Variants in RGS20 observed in about 807,000 individuals in gnomAD.
The protein encoded by RGS20 is gz-selective GTPase-activating protein.
In RGS20, 30 loss-of-function variants were observed where a neutral mutation model predicts 33.6. That is an observed-to-expected ratio of 0.89 (90% CI 0.67 to 1.21). The LOEUF is 1.21. Among genes scored for constraint, RGS20 ranks in the 50% most tolerant of loss-of-function variants. The pLI is 0.00. For synonymous variants in RGS20, 208 were observed against 197.9 expected (o/e 1.05, Z -0.43); for missense variants, 472 against 502.4 (o/e 0.94, Z 0.58).
At chr8:53,892,531 T>C (rs1439344228) in intron 2 of RGS20, among the ~76,000 whole-genome samples, 1 of 152,250 alleles carries the variant, frequency 6.6e-6, no homozygotes, top group African/African-American at 2.4e-5. Context: ...CAACTCTTTA[T>C]GCTTCAGATT....
chr8:53,948,563 C>T lies in RGS20; in HGVS notation c.743+1815C>T, dbSNP rs28973144. Among the ~76,000 whole-genome samples the T allele has an allele frequency of 1.9e-3, 65 of 35,034 alleles. 3 individuals are homozygous for T. Among genetic ancestry groups the T allele is most frequent in the East Asian group, 0.014 (7 of 496 alleles). 23.0% of individuals were successfully genotyped at this position (35,034 alleles called of 152,430 possible). The stretch of plus-strand genomic sequence containing the variant: ...TACATATGCTATATATGATACAGTA[C>T]ATATTTACATATGCTATATATGATA... On this transcript the variant is annotated intron_variant, in intron 4 of 5. Coordinates refer to ENST00000297313, the MANE Select transcript of RGS20 (RefSeq NM_170587.4).
At chr8:53,865,543 A>T (rs1303359335) in intron 1 of RGS20, among the ~76,000 whole-genome samples, 2 of 152,242 alleles carry the variant, frequency 1.3e-5, no homozygotes, top group Admixed American at 6.5e-5. Context: ...TCATTCATTT[A>T]ACAGATATTC....
At chr8:53,916,108 C>T (rs1813476685) in intron 2 of RGS20, among the ~76,000 whole-genome samples, 1 of 152,154 alleles carries the variant, frequency 6.6e-6, no homozygotes, top group South Asian at 2.1e-4. Flanking sequence ...CTGCAGTCTC[C>T]ACCTCCTGGG....
At chr8:53,870,525 T>C (rs938799686) in intron 1 of RGS20, among the ~76,000 whole-genome samples, 2 of 152,236 alleles carry the variant, frequency 1.3e-5, no homozygotes, top group Non-Finnish European at 2.9e-5. Context: ...ACATTATAGA[T>C]GGTGTCCCTT....
At chr8:53,957,883 A>G (rs1484883756) in intron 5 of RGS20, among the ~76,000 whole-genome samples, 1 of 152,194 alleles carries the variant, frequency 6.6e-6, no homozygotes, top group Admixed American at 6.5e-5. Context: ...ACAGTGGCTC[A>G]TGCCTGTAAT....
intron 2 of RGS20, among the ~76,000 whole-genome samples, chr8:53,888,756 T>C (rs1398221086): frequency 2.6e-5 from 4 of 152,232 alleles, no homozygotes; most frequent in African/African-American, 9.6e-5. Flanking sequence ...AGGTAACCAC[T>C]TTTATAACTT....
chr8:53,883,035 G>GT (rs886864189), intron 2 of RGS20, among the ~76,000 whole-genome samples: 1 of 152,110 alleles, frequency 6.6e-6, no homozygotes, highest in Non-Finnish European at 1.5e-5. Flanking sequence ...CTATCTGTAA[G>GT]TTTTTTGGCA....
intron 1 of RGS20, among the ~76,000 whole-genome samples, chr8:53,852,982 T>C (rs183956447): frequency 5.9e-5 from 9 of 152,168 alleles, no homozygotes; most frequent in Non-Finnish European, 1.2e-4. Flanking sequence ...TGTAAAAATA[T>C]ACGGACCTGT....
intron 2 of RGS20, among the ~76,000 whole-genome samples, chr8:53,893,508 C>T (rs954838679): frequency 4.6e-5 from 7 of 152,164 alleles, no homozygotes; most frequent in African/African-American, 1.7e-4. Flanking sequence ...ATTATCTCAG[C>T]CTTTAGTTCC....
rs771963719 is a variant in RGS20 at position 53,881,075 on chromosome 8, C to T, written c.510+1473C>T. The T allele has an allele frequency of 1.9e-5, 29 of 1,543,964 alleles. No homozygotes were observed. The South Asian group carries it at 3.0e-4, about 16-fold the overall frequency. ...CTTCCTCCCCGGCCGGCAGGGTGGA[C>T]GGTGGGCTCGTGAGTATCCCAGTTC... is the stretch of plus-strand genomic sequence containing the variant. On this transcript the variant is annotated intron_variant, in intron 2 of 5. Coordinates refer to ENST00000297313, the MANE Select transcript of RGS20 (RefSeq NM_170587.4).
At chr8:53,932,081 G>T (rs748037080) in intron 2 of RGS20, among the ~76,000 whole-genome samples, 10 of 152,290 alleles carry the variant, frequency 6.6e-5, no homozygotes, top group Middle Eastern at 3.4e-3. Context: ...TTGAATATCG[G>T]ACCCCACTCT....
chr8:53,958,539 T>C lies in RGS20; in HGVS notation c.*81T>C, dbSNP rs1244585972. ...ACTAGCACAGGGAATTTAGAGGTTG[T>C]AGCATCTTCTGCTGGAGTAATACTC... On this transcript the variant is annotated 3_prime_UTR_variant, in exon 6 of 6. Coordinates refer to ENST00000297313, the MANE Select transcript of RGS20 (RefSeq NM_170587.4). 4 of 698,744 alleles carry C rather than the reference T, an allele frequency of 5.7e-6. No individual in the cohort carries two copies. Among genetic ancestry groups the C allele is most frequent in the Non-Finnish European group, 8.2e-6 (4 of 485,216 alleles). The allele number at this position is 698,744 out of a possible 1,614,324, so 43.3% of individuals were successfully genotyped here. A position where few individuals can be genotyped will look rare whatever the true frequency, so the allele number is the denominator to read the frequency against.
In RGS20 at chr8:53,877,017, G is replaced by A. The variant is rs563989125; in HGVS notation, c.166-2241G>A. 9.5e-4 allele frequency among the ~76,000 whole-genome samples: 145 copies of A among 152,342 alleles called. 2 individuals carry two copies. The highest frequency in any genetic ancestry group is 3.4e-3 in the African/African-American group (142 of 41,578). The stretch of plus-strand genomic sequence containing the variant: ...AGGACTGGGGCGAAGGGAGAAAGGA[G>A]GTTACGAGTTCGCACGTTCTCACAA... On this transcript the variant is annotated intron_variant, in intron 1 of 5. Transcript: ENST00000297313. This position sits in a 1 kb window ranked among gnomAD's most constrained non-coding sequence, Gnocchi z 5.7.
chr8:53,954,394 T>C, intron 5 of RGS20, 84 bp downstream of exon 4: 1 of 904,270 alleles, frequency 1.1e-6, no homozygotes, highest in Non-Finnish European at 1.8e-6. Context: ...CCGGGCACAG[T>C]GGCTCACGTC....
rs1814063877 is a variant in RGS20, at chr8:53,934,302, A to T, written c.511-5274A>T. 8.5e-5 allele frequency among the ~76,000 whole-genome samples: 13 copies of T among 152,246 alleles called. No individual in the cohort carries two copies. The South Asian group carries it at 2.7e-3, about 32-fold the overall frequency. Reference sequence around the variant, plus strand: ...ACAGGCTAAATGCCCCAATTAAAAGATGCAGACTGGCAGATTGGCTAAAGG... The same window carrying T: ...ACAGGCTAAATGCCCCAATTAAAAGTTGCAGACTGGCAGATTGGCTAAAGG... On this transcript the variant is annotated intron_variant, in intron 2 of 5. Coordinates refer to ENST00000297313, the MANE Select transcript of RGS20 (RefSeq NM_170587.4).
chr8:53,879,105 A>C (rs544703090), intron 1 of RGS20, among the ~76,000 whole-genome samples: 1 of 152,260 alleles, frequency 6.6e-6, no homozygotes, highest in African/African-American at 2.4e-5. Context: ...GGGAGGGGAA[A>C]GAATCTAACT....
intron 2 of RGS20, among the ~76,000 whole-genome samples, chr8:53,920,466 A>G (rs1265837507): frequency 6.6e-6 from 1 of 152,086 alleles, no homozygotes; most frequent in East Asian, 1.9e-4. Context: ...AGATCATGTC[A>G]TTTGCAAATA....
intron 5 of RGS20, among the ~76,000 whole-genome samples, chr8:53,956,183 C>T (rs899531482): frequency 3.9e-5 from 6 of 152,066 alleles, no homozygotes; most frequent in Admixed American, 2.0e-4. Flanking sequence ...CAGGACCAGG[C>T]GAGCCCAGGG....
chr8:53,888,615 G>C (rs1029093326), intron 2 of RGS20, among the ~76,000 whole-genome samples: 1 of 152,074 alleles, frequency 6.6e-6, no homozygotes, highest in Admixed American at 6.6e-5. Context: ...AATGTCTCTA[G>C]ACATTGCCAA....
Sources: allele counts gnomAD v4.1 joint callset (sites outside exome capture counted in the v4.1 genomes callset), GRCh38; gene constraint gnomAD v4.1.1; non-coding constraint Gnocchi (gnomAD v3.1); transcripts MANE v1.5; gene names NCBI Gene and HGNC (gene_info 2026-07-23, HGNC 2026-07-21).